Variants in ATP10B observed in about 807,000 individuals in gnomAD.
The protein encoded by ATP10B is phospholipid-transporting ATPase VB.
Under a neutral mutation model 141.2 loss-of-function variants are expected in ATP10B, and 122 were observed. The ratio of observed to expected loss-of-function variants is 0.86; its 90% CI spans 0.75 to 1.00. ATP10B has a LOEUF of 1.00. Ranked by LOEUF, ATP10B falls within the 50% of genes least tolerant of loss-of-function variation. ATP10B has a pLI of 0.00. For synonymous variants in ATP10B, 685 were observed against 692.0 expected, an observed-to-expected ratio of 0.99 and a Z score of 0.16; for missense variants, 1,876 against 1,825.3, an observed-to-expected ratio of 1.03 and a Z score of -0.51.
chr5:160,592,534 T>C (rs1055965344), intron 22 of ATP10B, among the ~76,000 whole-genome samples: 1 of 152,230 alleles, frequency 6.6e-6, no homozygotes, highest in South Asian at 2.1e-4. Context: ...ACCGGGTTCA[T>C]CTCACTAGGG....
intron 1 of ATP10B, among the ~76,000 whole-genome samples, chr5:160,849,173 G>A (rs151291468): frequency 1.2e-3 from 185 of 152,290 alleles, no homozygotes; most frequent in African/African-American, 4.1e-3. Flanking sequence ...ACGGTAGCAT[G>A]TGTGTGAAGA....
intron 2 of ATP10B, among the ~76,000 whole-genome samples, chr5:160,725,410 T>C (rs1318351033): frequency 4.6e-5 from 7 of 152,126 alleles, no homozygotes; most frequent in Admixed American, 3.9e-4. Flanking sequence ...TGTTTCATCG[T>C]CTTACCTAGA....
intron 1 of ATP10B, among the ~76,000 whole-genome samples, chr5:160,798,682 G>A (rs1249476785): frequency 6.6e-6 from 1 of 151,770 alleles, no homozygotes; most frequent in Admixed American, 6.6e-5. Flanking sequence ...CACAAAATGT[G>A]GTGATGTGTC....
the ATP10B span, among the ~76,000 whole-genome samples, chr5:160,868,992 G>A: frequency 6.6e-6 from 1 of 152,158 alleles, no homozygotes; most frequent in South Asian, 2.1e-4. Flanking sequence ...TTAATTTGGA[G>A]AGACCTGGTT....
the ATP10B span, among the ~76,000 whole-genome samples, chr5:160,919,836 G>A: frequency 6.6e-6 from 1 of 152,292 alleles, no homozygotes; most frequent in East Asian, 1.9e-4. Context: ...GAGGCCAACT[G>A]CGATGTCTTG....
the ATP10B span, among the ~76,000 whole-genome samples, chr5:160,874,658 A>C: frequency 6.6e-6 from 1 of 152,216 alleles, no homozygotes; most frequent in Non-Finnish European, 1.5e-5. Context: ...AGAATGTATA[A>C]CTAGAATAAT....
chr5:160,802,941 T>TG (rs1399849757), intron 1 of ATP10B, among the ~76,000 whole-genome samples: 3 of 152,126 alleles, frequency 2.0e-5, no homozygotes, highest in Non-Finnish European at 2.9e-5. Flanking sequence ...GGGAGATAAT[T>TG]GGGGGACAAC....
chr5:160,757,595 T>C (rs190005556), intron 2 of ATP10B, among the ~76,000 whole-genome samples: 8 of 152,340 alleles, frequency 5.3e-5, no homozygotes, highest in Middle Eastern at 3.4e-3. Context: ...GGCTTTGTTT[T>C]TCACTTGGGT....
At chr5:160,744,834 A>G (rs1206137260) in intron 2 of ATP10B, among the ~76,000 whole-genome samples, 1 of 152,234 alleles carries the variant, frequency 6.6e-6, no homozygotes, top group Non-Finnish European at 1.5e-5. Context: ...AAAGTTGACT[A>G]CAAATTACAG....
intron 24 of ATP10B, among the ~76,000 whole-genome samples, chr5:160,589,332 A>C (rs1311751445): frequency 6.6e-6 from 1 of 152,050 alleles, no homozygotes; most frequent in Non-Finnish European, 1.5e-5. Context: ...ACTTTTTATC[A>C]ATTATCTATT....
chr5:160,728,636 A>G (rs1213697551), intron 2 of ATP10B, among the ~76,000 whole-genome samples: 1 of 152,122 alleles, frequency 6.6e-6, no homozygotes, highest in Non-Finnish European at 1.5e-5. Context: ...AGACCTAACC[A>G]TGAGAATAAC....
Position 160,774,152 on chromosome 5 carries a change from C to A in ATP10B, c.-331+11407G>T, listed in dbSNP as rs182034591. Among the ~76,000 whole-genome samples the A allele has an allele frequency of 9.3e-5, 14 of 150,128 alleles. No individual in the cohort carries two copies. In the East Asian group the frequency reaches 2.5e-3, roughly 27 times the overall value. ...TTCATTAGAAGCGTTTCCAGTGTAA[C>A]CCCAGGAGGTGGACATACAAAGTAA... On this transcript the variant is annotated intron_variant, in intron 2 of 25. Coordinates refer to ENST00000327245, the MANE Select transcript of ATP10B (RefSeq NM_025153.3).
chr5:160,758,481 T>C (rs1374057800), intron 2 of ATP10B, among the ~76,000 whole-genome samples: 2 of 152,210 alleles, frequency 1.3e-5, no homozygotes, highest in Non-Finnish European at 2.9e-5. Context: ...CACTGTCCTC[T>C]TGGTTCCTTT....
chr5:160,869,489 T>G, the ATP10B span, among the ~76,000 whole-genome samples: 1 of 151,856 alleles, frequency 6.6e-6, no homozygotes, highest in African/African-American at 2.4e-5. Context: ...AAAAAAAAAG[T>G]CTTAGAATGT....
rs368902369 is a variant in ATP10B, at chr5:160,787,898, G to A, written c.-575-2095C>T. 1.4e-4 allele frequency among the ~76,000 whole-genome samples: 21 copies of A among 152,246 alleles called. No homozygotes were observed. In the East Asian group the frequency reaches 2.5e-3, roughly 18 times the overall value. On this transcript the variant is annotated intron_variant, in intron 1 of 25. Coordinates refer to ENST00000327245, the MANE Select transcript of ATP10B (RefSeq NM_025153.3). ...CGGTATTATTCCCCCTTATTAATTAGATGCCAACAGCTAAGAAGAACGTTT... is the reference window on the plus strand; with the variant it reads ...CGGTATTATTCCCCCTTATTAATTAAATGCCAACAGCTAAGAAGAACGTTT...
intron 7 of ATP10B, among the ~76,000 whole-genome samples, chr5:160,662,326 C>T (rs1368241093): frequency 6.6e-6 from 1 of 152,176 alleles, no homozygotes; most frequent in Non-Finnish European, 1.5e-5. Flanking sequence ...AAAAAAGAGC[C>T]CGCATTGCCA....
At chr5:160,795,414 C>T (rs1384666401) in intron 1 of ATP10B, among the ~76,000 whole-genome samples, 1 of 152,138 alleles carries the variant, frequency 6.6e-6, no homozygotes, top group Non-Finnish European at 1.5e-5. Flanking sequence ...TTTCCCATCT[C>T]TGTCCTAAGG....
At chr5:160,792,457 G>A (rs10036919) in intron 1 of ATP10B, among the ~76,000 whole-genome samples, 47,473 of 151,982 alleles carry the variant, frequency 0.31, 7,530 homozygotes, top group East Asian at 0.5. Context: ...CCATGTGACT[G>A]TGTTAGGGCC....
chr5:160,835,414 A>G (rs1337924512), intron 1 of ATP10B, among the ~76,000 whole-genome samples: 1 of 152,044 alleles, frequency 6.6e-6, no homozygotes, highest in Non-Finnish European at 1.5e-5. Flanking sequence ...GTAGAAATGG[A>G]AAGAGGAGCA....
Sources: allele counts gnomAD v4.1 joint callset (sites outside exome capture counted in the v4.1 genomes callset), GRCh38; gene constraint gnomAD v4.1.1; transcripts MANE v1.5; gene names NCBI Gene and HGNC (gene_info 2026-07-23, HGNC 2026-07-21).